The following ROBO2 variants were observed in gnomAD, a reference collection of about 807,000 sequenced individuals.
ROBO2 encodes the protein roundabout guidance receptor 2.
In ROBO2, 53 loss-of-function variants were observed where a neutral mutation model predicts 160.8. The observed-to-expected ratio is 0.33, with a 90% CI of 0.26 to 0.41. ROBO2 has a LOEUF of 0.41. Among genes scored for constraint, ROBO2 ranks in the 10% least tolerant of loss-of-function variants. ROBO2 has a pLI of 1.00. For synonymous variants in ROBO2, 664 were observed against 611.7 expected, an observed-to-expected ratio of 1.09 and a Z score of -1.26; for missense variants, 1,577 against 1,722.4, an observed-to-expected ratio of 0.92 and a Z score of 1.49.
At chr3:77,093,783 A>G (rs764274905) in intron 1 of ROBO2, among the ~76,000 whole-genome samples, 2 of 151,524 alleles carry the variant, frequency 1.3e-5, no homozygotes, top group African/African-American at 4.9e-5. Flanking sequence ...TCTCTAATCT[A>G]TCTATCTGGG....
chr3:76,598,592 G>A lies in ROBO2; in HGVS notation c.110-499422G>A, dbSNP rs1275655626. Among the ~76,000 whole-genome samples, 3 of 152,038 alleles carry A rather than the reference G, an allele frequency of 2.0e-5. No homozygotes were observed. In the East Asian group the frequency reaches 5.8e-4, roughly 29 times the overall value. ...GGGTACACATTAACTCTCTGTATTA[G>A]TTCTTAAAAGTCCTTATGAATCTGT... On this transcript the variant is annotated intron_variant, in intron 2 of 26. Coordinates refer to the ROBO2 transcript ENST00000487694.
intron 2 of ROBO2, among the ~76,000 whole-genome samples, chr3:77,277,830 G>A (rs934490454): frequency 3.3e-5 from 5 of 152,150 alleles, no homozygotes; most frequent in Admixed American, 6.6e-5. Context: ...TAATGGGATT[G>A]CCGGGTCAAA....
At chr3:77,282,449 G>A (rs1419174156) in intron 2 of ROBO2, among the ~76,000 whole-genome samples, 2 of 151,750 alleles carry the variant, frequency 1.3e-5, no homozygotes, top group Non-Finnish European at 1.5e-5. Flanking sequence ...TCCTTTAGAG[G>A]TTCTACTTTT....
At position 77,635,054 on chromosome 3, in the gene ROBO2, T is replaced by G; in HGVS notation, c.3934+11T>G. ...AAGGAATGACAGATGGTAGGTTTCT[T>G]CCCTTTACTCTTGTTTCCTCGCTGA... On this transcript the variant is annotated intron_variant, in intron 24 of 25. Coordinates refer to ENST00000461745, the Ensembl canonical transcript of ROBO2. 1.2e-6 allele frequency: 2 copies of G among 1,613,786 alleles called. No individual in the cohort carries two copies. The highest frequency in any genetic ancestry group is 1.7e-6 in the Non-Finnish European group (2 of 1,179,810).
intron 3 of ROBO2, among the ~76,000 whole-genome samples, chr3:77,480,812 A>G (rs1226162460): frequency 6.6e-6 from 1 of 152,184 alleles, no homozygotes; most frequent in Non-Finnish European, 1.5e-5. Context: ...TTCAGTGTGA[A>G]GACTAACTAC....
intron 2 of ROBO2, among the ~76,000 whole-genome samples, chr3:76,304,754 CTTTCTTTCTTTCT>C (rs1559737176): frequency 1.1e-4 from 14 of 129,904 alleles, no homozygotes; most frequent in South Asian, 4.9e-4. Flanking sequence ...TTCCTTCTTT[CTTTCTTTCTTTCT>C]TTCTTTCTTT....
Position 77,477,543 on chromosome 3 carries a change from G to T in ROBO2, c.518G>T (p.Arg173Leu), listed in dbSNP as rs372913645. The T allele has an allele frequency of 4.3e-6, 7 of 1,614,058 alleles. No individual in the cohort carries two copies. In the Admixed American group the frequency reaches 5.0e-5, roughly 12 times the overall value. The change falls in exon 3 of 26, where the codon CGA becomes CTA. Residue 173 changes from arginine to leucine, a missense_variant. By Grantham distance (102) the Arg-to-Leu change is moderately radical. Coordinates refer to ENST00000461745, the Ensembl canonical transcript of ROBO2. ...ATCTACTGGAAAAAAGACAAAGTTCGAATTGATGACAAGGAAGAAAGAATA... is the reference window on the plus strand; with the variant it reads ...ATCTACTGGAAAAAAGACAAAGTTCTAATTGATGACAAGGAAGAAAGAATA...
At chr3:76,767,381 A>G (rs1169599763) in intron 2 of ROBO2, among the ~76,000 whole-genome samples, 4 of 151,624 alleles carry the variant, frequency 2.6e-5, no homozygotes, top group Admixed American at 1.3e-4. Flanking sequence ...AATAATCAAT[A>G]AGCAATTAAT....
chr3:77,324,070 A>G lies in ROBO2; in HGVS notation c.389-153344A>G, dbSNP rs375379118. ...ATGAAGAGGGTGAGAGGGTCTCCCA[A>G]TTTGCTGCTTGGGACAGTCCACAGT... On this transcript the variant is annotated intron_variant, in intron 2 of 25. Transcript: ENST00000461745. Among the ~76,000 whole-genome samples, 3 of 152,236 alleles carry G rather than the reference A, an allele frequency of 2.0e-5. No individual in the cohort carries two copies. The South Asian group carries it at 6.2e-4, about 32-fold the overall frequency.
intron 2 of ROBO2, among the ~76,000 whole-genome samples, chr3:76,646,523 T>C (rs1354274445): frequency 1.3e-5 from 2 of 152,190 alleles, no homozygotes; most frequent in Non-Finnish European, 2.9e-5. Context: ...CTCTCATTCA[T>C]GAAATGTGAA....
At chr3:77,217,193 A>T (rs1387359478) in intron 2 of ROBO2, among the ~76,000 whole-genome samples, 2 of 149,838 alleles carry the variant, frequency 1.3e-5, no homozygotes, top group Non-Finnish European at 3.0e-5. Context: ...CCCAGGCTGG[A>T]GTGCAGTGGT....
At chr3:76,076,167 T>C (rs978711890) in intron 2 of ROBO2, among the ~76,000 whole-genome samples, 1 of 152,214 alleles carries the variant, frequency 6.6e-6, no homozygotes, top group Non-Finnish European at 1.5e-5. Flanking sequence ...GAATGTCGTT[T>C]ACTCTCCTGC....
intron 2 of ROBO2, among the ~76,000 whole-genome samples, chr3:76,049,643 C>T (rs1364591054): frequency 1.3e-5 from 2 of 151,908 alleles, no homozygotes; most frequent in African/African-American, 4.8e-5. Flanking sequence ...ATATCACACT[C>T]TTTACAGAAG....
chr3:76,096,561 T>C (rs1187747668), intron 2 of ROBO2, among the ~76,000 whole-genome samples: 3 of 152,198 alleles, frequency 2.0e-5, no homozygotes, highest in Non-Finnish European at 4.4e-5. Context: ...GGTTAGGTCA[T>C]TTATTGATTT....
chr3:77,123,174 T>A (rs2074954220), intron 2 of ROBO2, among the ~76,000 whole-genome samples: 1 of 152,102 alleles, frequency 6.6e-6, no homozygotes, highest in Non-Finnish European at 1.5e-5. Flanking sequence ...GGACTGGGAG[T>A]ATTAACAATA....
chr3:77,376,674 T>C (rs2072725671), intron 2 of ROBO2, among the ~76,000 whole-genome samples: 1 of 152,174 alleles, frequency 6.6e-6, no homozygotes, highest in African/African-American at 2.4e-5. Flanking sequence ...TTAACATGCC[T>C]AGATCTTGCT....
intron 2 of ROBO2, among the ~76,000 whole-genome samples, chr3:77,099,296 C>T (rs1198697284): frequency 6.6e-6 from 1 of 151,992 alleles, no homozygotes; most frequent in Admixed American, 6.6e-5. Context: ...AGCTCATGAC[C>T]TCAGGTGATC....
intron 2 of ROBO2, among the ~76,000 whole-genome samples, chr3:76,194,350 GTAAATATATATATATATATATATATA>G (rs1183666680): frequency 2.4e-5 from 1 of 42,046 alleles, no homozygotes; most frequent in African/African-American, 5.9e-5. Flanking sequence ...TGTATGGTGT[GTAAATATATATATATATATATATATA>G]TATATATATA....
rs554930832 is a variant in ROBO2 at position 76,839,918 on chromosome 3, C to T, written c.110-258096C>T. Among the ~76,000 whole-genome samples the T allele has an allele frequency of 7.9e-5, 12 of 152,216 alleles. No homozygotes were observed. The South Asian group carries it at 1.0e-3, about 13-fold the overall frequency. On this transcript the variant is annotated intron_variant, in intron 2 of 26. Coordinates refer to the ROBO2 transcript ENST00000487694. The stretch of plus-strand genomic sequence containing the variant: ...GGTAGATTATATGTATCTTGGACTT[C>T]GTCCATTTCTTTTAGATTTTCTAAT...
Sources: gnomAD v4.1 joint callset for allele counts (sites outside exome capture counted in the v4.1 genomes callset) on GRCh38, gnomAD v4.1.1 for gene constraint, MANE v1.5 for transcripts, NCBI Gene and HGNC (gene_info 2026-07-23, HGNC 2026-07-21) for gene names.